Variants in STOX1 observed in about 807,000 individuals in gnomAD.
STOX1 encodes storkhead-box protein 1.
Under a neutral mutation model 74.8 loss-of-function variants are expected in STOX1, and 57 were observed. That is an observed-to-expected ratio of 0.76 (90% confidence interval 0.62 to 0.95). STOX1 has a LOEUF of 0.95. STOX1 is among the 40% of genes least tolerant of loss of function. STOX1 has a pLI of 0.00. For synonymous variants in STOX1, 375 were observed against 401.3 expected (o/e 0.93, Z 0.78); for missense variants, 1,010 against 1,117.0 (o/e 0.90, Z 1.37).
intron 1 of STOX1, among the ~76,000 whole-genome samples, chr10:68,835,941 G>A (rs1010603115): frequency 5.3e-5 from 8 of 151,788 alleles, no homozygotes; most frequent in Admixed American, 3.3e-4. Context: ...GTGTGATCTC[G>A]GCTCACTGAA....
intron 1 of STOX1, among the ~76,000 whole-genome samples, chr10:68,862,462 C>T (rs1191125690): frequency 1.3e-5 from 2 of 152,036 alleles, no homozygotes; most frequent in African/African-American, 4.8e-5. Context: ...ACTTTGTATC[C>T]AAATTGTATT....
At position 68,863,304 on chromosome 10, in the gene STOX1, C is replaced by T. The variant is rs370801920; in HGVS notation, c.311-18654C>T. On this transcript the variant is annotated intron_variant, in intron 1 of 3. Transcript: ENST00000298596. ...GAATACTCACGGCAATGCTGATCAC[C>T]GCTATCATAGCTATCATTAAATTAC... Among the ~76,000 whole-genome samples, 23 of 152,188 alleles carry T rather than the reference C, an allele frequency of 1.5e-4. 1 individual carries two copies. Among genetic ancestry groups the T allele is most frequent in the South Asian group, 8.3e-4 (4 of 4,818 alleles).
chr10:68,879,669 C>G (rs1840762254), intron 1 of STOX1, among the ~76,000 whole-genome samples: 1 of 152,146 alleles, frequency 6.6e-6, no homozygotes. Context: ...TGATCTATTT[C>G]TCCTTATTCA....
At chr10:68,874,822 C>A (rs1329898808) in intron 1 of STOX1, among the ~76,000 whole-genome samples, 1 of 152,176 alleles carries the variant, frequency 6.6e-6, no homozygotes, top group Non-Finnish European at 1.5e-5. Flanking sequence ...ATTTACTGTG[C>A]CAGGCGAGCA....
Position 68,885,669 on chromosome 10 carries a change from C to A in STOX1, c.1873C>A (p.His625Asn). The change falls in exon 3 of 4, where the codon CAT (histidine) becomes AAT (asparagine). Residue 625 changes from histidine to asparagine, a missense_variant. Coordinates refer to ENST00000298596, the MANE Select transcript of STOX1 (RefSeq NM_152709.5). The stretch of plus-strand genomic sequence containing the variant: ...AATTCCTGAAGTCTTGAGGAAAAGT[C>A]ATTCCCACTTTGACAAATTAGGGGA... ...EVIPEVLRKS[H>N]SHFDKLGETK... 5.6e-6 allele frequency: 9 copies of A among 1,614,122 alleles called. No individual in the cohort carries two copies. The highest frequency in any genetic ancestry group is 7.6e-6 in the Non-Finnish European group (9 of 1,180,028).
intron 1 of STOX1, among the ~76,000 whole-genome samples, chr10:68,859,287 T>G (rs1840203639): frequency 1.3e-5 from 2 of 152,162 alleles, no homozygotes; most frequent in African/African-American, 2.4e-5. Context: ...GAGCAACCTA[T>G]TCTTTGAACA....
rs200461358 is a variant in STOX1 at position 68,852,248 on chromosome 10, G to GATTTTTTTTTTTTTTTTTTTTTT, written c.310+24315_310+24316insATTTTTTTTTTTTTTTTTTTTTT. ...TATGAGTTTAAGTTTTTCTCTTACT[G>GATTTTTTTTTTTTTTTTTTTTTT]CTTTTTTTTTTTTTTTTTTTTGAGA... On this transcript the variant is annotated intron_variant, in intron 1 of 3. Coordinates refer to ENST00000298596, the MANE Select transcript of STOX1 (RefSeq NM_152709.5). Among the ~76,000 whole-genome samples the GATTTTTTTTTTTTTTTTTTTTTT allele has an allele frequency of 2.3e-5, 3 of 132,210 alleles. 1 individual carries two copies. The highest frequency in any genetic ancestry group is 4.8e-5 in the Non-Finnish European group (3 of 62,218). The allele number at this position is 132,210 out of a possible 152,430, so 86.7% of individuals were successfully genotyped here. A position where few individuals can be genotyped will look rare whatever the true frequency, so the allele number is the denominator to read the frequency against.
Position 68,886,318 on chromosome 10 carries a change from C to G in STOX1, c.2522C>G (p.Ala841Gly), listed in dbSNP as rs142731321. Residue 841 changes from alanine to glycine, a missense_variant, in exon 3 of 4, where the codon GCT becomes GGT. Coordinates refer to ENST00000298596, the MANE Select transcript of STOX1 (RefSeq NM_152709.5). The part of the protein sequence containing the change: ...GFNYEEEPSV[A>G]KCVQASAPAD... The stretch of plus-strand genomic sequence containing the variant: ...AACTACGAAGAAGAACCCAGTGTTG[C>G]TAAATGTGTACAGGCCTCAGCACCT... 1.7e-4 allele frequency: 274 copies of G among 1,614,134 alleles called. 1 individual carries two copies. The South Asian group carries it at 2.4e-3, about 14-fold the overall frequency.
At chr10:68,849,844 A>G (rs929901423) in intron 1 of STOX1, among the ~76,000 whole-genome samples, 2 of 152,032 alleles carry the variant, frequency 1.3e-5, no homozygotes, top group Non-Finnish European at 2.9e-5. Flanking sequence ...TTATCACAGC[A>G]TTTTTCCGAA....
At chr10:68,847,446 G>A (rs1306144034) in intron 1 of STOX1, among the ~76,000 whole-genome samples, 2 of 145,694 alleles carry the variant, frequency 1.4e-5, no homozygotes, top group African/African-American at 5.0e-5. Context: ...AGATCACTGT[G>A]TTGCCCAGGC....
At chr10:68,889,218 C>T (rs947388) in intron 3 of STOX1, among the ~76,000 whole-genome samples, 21,845 of 152,196 alleles carry the variant, frequency 0.14, 3,101 homozygotes, top group African/African-American at 0.37. Context: ...GGGATTCTCC[C>T]GCTTCAGTCT....
chr10:68,868,899 C>T (rs750230952), intron 1 of STOX1, among the ~76,000 whole-genome samples: 9 of 152,210 alleles, frequency 5.9e-5, no homozygotes, highest in Non-Finnish European at 1.2e-4. Context: ...CCCACAGTAA[C>T]CTTTTAGCCA....
At chr10:68,865,827 T>C (rs1840390444) in intron 1 of STOX1, among the ~76,000 whole-genome samples, 1 of 152,196 alleles carries the variant, frequency 6.6e-6, no homozygotes, top group Non-Finnish European at 1.5e-5. Flanking sequence ...GGGATTCCCT[T>C]TTGAAGCTGT....
intron 1 of STOX1, among the ~76,000 whole-genome samples, chr10:68,850,965 G>A (rs561972432): frequency 7.5e-4 from 113 of 151,104 alleles, no homozygotes; most frequent in East Asian, 3.9e-4. Flanking sequence ...GAGCGAGACC[G>A]TGTCTCAAGA....
intron 1 of STOX1, among the ~76,000 whole-genome samples, chr10:68,832,183 G>A (rs1383446943): frequency 1.3e-5 from 2 of 152,198 alleles, no homozygotes; most frequent in Non-Finnish European, 2.9e-5. Flanking sequence ...AGGAGGTACT[G>A]CAGGGAGGTG....
chr10:68,833,236 C>T (rs1347788234), intron 1 of STOX1, among the ~76,000 whole-genome samples: 4 of 152,082 alleles, frequency 2.6e-5, no homozygotes, highest in East Asian at 1.9e-4. Flanking sequence ...TAGGCGCGTG[C>T]CAGCACGCCC....
rs368801279 is a variant in STOX1, at chr10:68,829,742, C to T, written c.310+1809C>T. On this transcript the variant is annotated intron_variant, in intron 1 of 3. Transcript: ENST00000298596. ...ACCCCGCCCCCGTTTTTCTTAAGCT[C>T]AAAAAAGAGCTCTTTGCAAAACCAC... 6.6e-5 allele frequency among the ~76,000 whole-genome samples: 10 copies of T among 152,018 alleles called. No individual in the cohort carries two copies. In the South Asian group the frequency reaches 2.1e-3, roughly 32 times the overall value.
chr10:68,831,929 CTTTT>C (rs75873763), intron 1 of STOX1, among the ~76,000 whole-genome samples: 1 of 143,334 alleles, frequency 7.0e-6, no homozygotes. Context: ...CTTTTCTTTT[CTTTT>C]TTTTTTTTTT....
chr10:68,871,239 G>A (rs1387316277), intron 1 of STOX1, among the ~76,000 whole-genome samples: 1 of 152,180 alleles, frequency 6.6e-6, no homozygotes, highest in Non-Finnish European at 1.5e-5. Flanking sequence ...TGAGGGTGGT[G>A]GCCATGGGGG....
Sources: allele counts gnomAD v4.1 joint callset (sites outside exome capture counted in the v4.1 genomes callset), GRCh38; gene constraint gnomAD v4.1.1; transcripts MANE v1.5; gene names NCBI Gene and HGNC (gene_info 2026-07-23, HGNC 2026-07-21).